Variants in MRTFB observed in about 807,000 individuals in gnomAD.
MRTFB encodes myocardin-related transcription factor B.
MRTFB carries 29 observed loss-of-function variants against 104.2 expected under a neutral mutation model. That is an observed-to-expected ratio of 0.28 (90% CI 0.21 to 0.38). The LOEUF (loss-of-function observed/expected upper bound fraction) is 0.38, where lower values mean the gene tolerates loss of function less well. Ranked by LOEUF, MRTFB falls within the 10% of genes least tolerant of loss-of-function variation. The pLI is 1.00. For synonymous variants in MRTFB, 535 were observed against 519.5 expected, an observed-to-expected ratio of 1.03 and a Z score of -0.41; for missense variants, 1,270 against 1,341.6, an observed-to-expected ratio of 0.95 and a Z score of 0.83.
At chr16:14,043,243 C>T in the MRTFB span, among the ~76,000 whole-genome samples, 5 of 152,128 alleles carry the variant, frequency 3.3e-5, no homozygotes, top group African/African-American at 7.2e-5. Flanking sequence ...ATATGTGTTG[C>T]TGGGATTTGG....
chr16:14,001,298 C>T, the MRTFB span, among the ~76,000 whole-genome samples: 1 of 152,200 alleles, frequency 6.6e-6, no homozygotes, highest in Non-Finnish European at 1.5e-5. Context: ...GGAACCGATA[C>T]CATCAGGATT....
intron 2 of MRTFB, among the ~76,000 whole-genome samples, chr16:14,133,211 C>T (rs926839670): frequency 6.6e-6 from 1 of 152,198 alleles, no homozygotes; most frequent in African/African-American, 2.4e-5. Flanking sequence ...AAGAGATAGC[C>T]TTGACCCTGT....
the MRTFB span, among the ~76,000 whole-genome samples, chr16:14,028,790 G>A: frequency 1.3e-5 from 2 of 152,064 alleles, no homozygotes; most frequent in Non-Finnish European, 2.9e-5. Flanking sequence ...TACTAGACTC[G>A]TGTGCAGAAA....
chr16:14,186,592 C>CG, intron 3 of MRTFB: 6 of 620,386 alleles, frequency 9.7e-6, no homozygotes, highest in Non-Finnish European at 1.4e-5. Flanking sequence ...GTCCCCAGCG[C>CG]GGGGGAAGCT....
At chr16:14,076,041 A>T (rs545423297) in intron 1 of MRTFB, among the ~76,000 whole-genome samples, 1 of 152,040 alleles carries the variant, frequency 6.6e-6, no homozygotes, top group Non-Finnish European at 1.5e-5. Flanking sequence ...TTTTTTTTGT[A>T]TAGATGCAGA....
At chr16:14,158,105 G>A (rs1421495706) in intron 3 of MRTFB, among the ~76,000 whole-genome samples, 2 of 152,120 alleles carry the variant, frequency 1.3e-5, no homozygotes, top group Non-Finnish European at 2.9e-5. Flanking sequence ...TAAATACCTA[G>A]CACTTCTATT....
upstream of MRTFB, among the ~76,000 whole-genome samples, chr16:14,069,441 T>C (rs748267213): frequency 6.6e-6 from 1 of 152,200 alleles, no homozygotes; most frequent in African/African-American, 2.4e-5. Flanking sequence ...TGGCACATCG[T>C]AGGACTTCTC....
intron 3 of MRTFB, among the ~76,000 whole-genome samples, chr16:14,178,789 G>A (rs143478162): frequency 6.6e-6 from 1 of 151,762 alleles, no homozygotes; most frequent in Non-Finnish European, 1.5e-5. Context: ...TCACTTCGTC[G>A]ACAAGGCTAG....
At chr16:14,048,198 G>C in the MRTFB span, among the ~76,000 whole-genome samples, 19 of 152,190 alleles carry the variant, frequency 1.2e-4, no homozygotes, top group Non-Finnish European at 2.2e-4. Flanking sequence ...CTCACATCCA[G>C]GTCTCACTGA....
At chr16:14,110,457 T>C (rs1057289667) in intron 2 of MRTFB, among the ~76,000 whole-genome samples, 3 of 152,186 alleles carry the variant, frequency 2.0e-5, no homozygotes, top group Admixed American at 6.5e-5. Context: ...TTTGTGACAT[T>C]AGACAAATCT....
the MRTFB span, among the ~76,000 whole-genome samples, chr16:14,008,878 T>G: frequency 6.6e-6 from 1 of 152,140 alleles, no homozygotes; most frequent in Non-Finnish European, 1.5e-5. Flanking sequence ...TTTTGCAATG[T>G]AAAAAGCCTC....
At position 14,249,039 on chromosome 16, in the gene MRTFB, G is replaced by A. The variant is rs753345740; in HGVS notation, c.2361G>A (p.Thr787=). 65 of 1,614,044 alleles carry A rather than the reference G, an allele frequency of 4.0e-5. No individual in the cohort carries two copies. The highest frequency in any genetic ancestry group is 6.7e-5 in the East Asian group (3 of 44,890). Residue 787 remains threonine, a synonymous_variant, in exon 13 of 17, where the codon ACG becomes ACA. Transcript: ENST00000571589. ...CAACTGTACCTCAGACACAAGACACGTTCCCGCAGCATGTGCTCAGTCAGC... is the reference window on the plus strand; with the variant it reads ...CAACTGTACCTCAGACACAAGACACATTCCCGCAGCATGTGCTCAGTCAGC... ...LAPTVPQTQD[T]FPQHVLSQPQ...
the MRTFB span, among the ~76,000 whole-genome samples, chr16:14,057,937 T>C: frequency 5.9e-5 from 9 of 152,200 alleles, no homozygotes; most frequent in South Asian, 2.1e-4. Flanking sequence ...ACGGGCCTGT[T>C]TGGGATCCTG....
chr16:14,069,382 A>T (rs550512723), upstream of MRTFB, among the ~76,000 whole-genome samples: 15 of 152,358 alleles, frequency 9.8e-5, 1 homozygote, highest in South Asian at 2.9e-3. Flanking sequence ...TCGGGCCACA[A>T]CTGCGACTGA....
chr16:14,227,678 AT>A (rs1275863831), intron 8 of MRTFB, among the ~76,000 whole-genome samples: 1 of 151,946 alleles, frequency 6.6e-6, no homozygotes, highest in East Asian at 1.9e-4. Flanking sequence ...CGCCCAGCTA[AT>A]TTTTGTATTT....
the MRTFB span, among the ~76,000 whole-genome samples, chr16:14,054,608 A>C: frequency 6.6e-6 from 1 of 152,276 alleles, no homozygotes; most frequent in African/African-American, 2.4e-5. Flanking sequence ...CATTTGTTAC[A>C]GCTCACAATG....
intron 3 of MRTFB, among the ~76,000 whole-genome samples, chr16:14,187,319 T>G (rs2039991978): frequency 6.6e-6 from 1 of 152,220 alleles, no homozygotes. Flanking sequence ...TCATTTTGTA[T>G]ATTTTCTTCC....
the MRTFB span, among the ~76,000 whole-genome samples, chr16:14,014,679 C>A: frequency 6.6e-6 from 1 of 151,852 alleles, no homozygotes; most frequent in East Asian, 1.9e-4. Context: ...CATGGTGAAA[C>A]CCCGTCTCTA....
At position 14,246,749 on chromosome 16, in the gene MRTFB, G is replaced by A; in HGVS notation, c.1489G>A (p.Glu497Lys). 6.2e-7 allele frequency: 1 copy of A among 1,614,142 alleles called. No homozygotes were observed. Among genetic ancestry groups the A allele is most frequent in the Admixed American group, 1.7e-5 (1 of 60,016 alleles). ...AGGAACCAGCAACGCAACCCGTGTGGAAAATGTTCATTCCCCTCTGCCCAT... is the reference window on the plus strand; with the variant it reads ...AGGAACCAGCAACGCAACCCGTGTGAAAAATGTTCATTCCCCTCTGCCCAT... The part of the protein sequence containing the change: ...PTGTSNATRV[E>K]NVHSPLPISP... The change falls in exon 12 of 17, where the codon GAA (glutamate) becomes AAA (lysine). Residue 497 changes from glutamate (E) to lysine (K), a missense_variant. Around this residue, in one of 3 missense-constraint regions of MRTFB, gnomAD observed 1,144 missense variants for 1,131.5 expected, o/e 1.01. Transcript: ENST00000571589.
Sources: allele counts gnomAD v4.1 joint callset (sites outside exome capture counted in the v4.1 genomes callset), GRCh38; gene constraint gnomAD v4.1.1; regional missense constraint gnomAD v4.1.1; transcripts MANE v1.5; gene names NCBI Gene and HGNC (gene_info 2026-07-23, HGNC 2026-07-21).